The following REX1BD variants were observed in gnomAD, a reference collection of about 807,000 sequenced individuals.
REX1BD encodes the protein required for excision 1-B domain containing.
Under a neutral mutation model 24.4 loss-of-function variants are expected in REX1BD, and 22 were observed. The observed-to-expected ratio is 0.90, with a 90% CI of 0.64 to 1.29. The LOEUF (loss-of-function observed/expected upper bound fraction) is 1.29, where lower values mean the gene tolerates loss of function less well. Among genes scored for constraint, REX1BD ranks in the 50% most tolerant of loss-of-function variants. The pLI is 0.00. For synonymous variants in REX1BD, 146 were observed against 125.9 expected (o/e 1.16, Z -1.07); for missense variants, 293 against 285.3 (o/e 1.03, Z -0.19).
chr19:18,592,175 G>C lies in REX1BD; in HGVS notation c.601G>C (p.Glu201Gln). ...QDLRFDAESA[E>Q] Reference sequence around the variant, plus strand: ...CCTTAGGTTTGATGCGGAATCTGCCGAGTGATGGCGGCTCCCCAGGGATGC... The same window carrying C: ...CCTTAGGTTTGATGCGGAATCTGCCCAGTGATGGCGGCTCCCCAGGGATGC... Residue 201 changes from glutamate (E) to glutamine (Q), a missense_variant, in exon 5 of 5, where the codon GAG (glutamate) becomes CAG (glutamine). Glu to Gln is a conservative substitution (Grantham distance 29). Coordinates refer to ENST00000358607, the MANE Select transcript of REX1BD (RefSeq NM_001100418.2). 1 of 1,614,064 alleles carries C rather than the reference G, an allele frequency of 6.2e-7. No individual in the cohort carries two copies. The highest frequency in any genetic ancestry group is 8.5e-7 in the Non-Finnish European group (1 of 1,180,006).
chr19:18,592,062 T>G, intron 4 of REX1BD, 46 bp from the exon 5 acceptor site: 1 of 1,610,986 alleles, frequency 6.2e-7, no homozygotes. Flanking sequence ...CAGCAGCTAA[T>G]TCACCCCATC....
intron 4 of REX1BD, 82 bp downstream of exon 4, chr19:18,591,015 C>A: frequency 3.1e-6 from 4 of 1,274,186 alleles, no homozygotes; most frequent in Non-Finnish European, 4.2e-6. Flanking sequence ...AGCAGAGGAA[C>A]CCTCTGCCAG....
chr19:18,591,265 A>G, intron 4 of REX1BD: 1 of 226,040 alleles, frequency 4.4e-6, no homozygotes, highest in Non-Finnish European at 8.7e-6. Context: ...CATTTGACAA[A>G]GTCACACTTC....
intron 3 of REX1BD, chr19:18,589,899 C>A: frequency 1.6e-6 from 1 of 620,720 alleles, no homozygotes; most frequent in Non-Finnish European, 2.5e-6. Flanking sequence ...GTCCTTATTC[C>A]CAGAGCACTC....
At chr19:18,590,543 G>T in intron 3 of REX1BD, 1 of 287,060 alleles carries the variant, frequency 3.5e-6, no homozygotes, top group Non-Finnish European at 6.6e-6. Context: ...TTTTATCCTG[G>T]GTCCCCGTCC....
At position 18,590,902 on chromosome 19, in the gene REX1BD, G is replaced by A. The variant is rs35627056; in HGVS notation, c.502G>A (p.Asp168Asn). The A allele has an allele frequency of 3.5e-4, 559 of 1,600,554 alleles. No individual in the cohort carries two copies. The African/African-American group carries it at 6.7e-3, about 19-fold the overall frequency. The part of the protein sequence containing the change: ...METPELAGQE[D>N]AVRMQQLKMK... The stretch of plus-strand genomic sequence containing the variant: ...GACGCCAGAGCTGGCGGGGCAGGAG[G>A]ACGCTGTACGGATGCAGCAGCTGAA... Residue 168 changes from aspartate (D) to asparagine (N), a missense_variant, in exon 4 of 5, where the codon GAC (aspartate) becomes AAC (asparagine). Physicochemically the swap from Asp to Asn is conservative, Grantham distance 23. Transcript: ENST00000358607.
Position 18,590,654 on chromosome 19 carries a change from C to G in REX1BD, c.454-200C>G, listed in dbSNP as rs562438106. 2.0e-5 allele frequency: 11 copies of G among 561,858 alleles called. No homozygotes were observed. In the South Asian group the frequency reaches 2.3e-4, roughly 12 times the overall value. 34.8% of individuals were successfully genotyped at this position (561,858 alleles called of 1,614,324 possible). On this transcript the variant is annotated intron_variant, in intron 3 of 4. Coordinates refer to ENST00000358607, the MANE Select transcript of REX1BD (RefSeq NM_001100418.2). ...ACGCCCACATCGCGCTCAGCACTGC[C>G]TCTGGCCTGCCTGCTGTCTCCTTTC...
At chr19:18,590,225 T>TTGTTTTTATTTTG (rs1481326591) in intron 3 of REX1BD, 14,598 of 127,202 alleles carry the variant, frequency 0.11, 1,905 homozygotes, top group African/African-American at 0.34. Flanking sequence ...TTTTTTTTTT[T>TTGTTTTTATTTTG]TTTTTTTTTT....
chr19:18,590,464 G>A (rs752586396), intron 3 of REX1BD: 5 of 189,248 alleles, frequency 2.6e-5, no homozygotes, highest in Admixed American at 5.9e-5. Flanking sequence ...CAAGCGATCC[G>A]CCCTCTTCTG....
chr19:18,589,103 G>C (rs1480163666), intron 2 of REX1BD, 26 bp downstream of exon 2: 2 of 1,479,014 alleles, frequency 1.4e-6, no homozygotes, highest in African/African-American at 2.8e-5. Context: ...GAGGGGCTCA[G>C]GGTTCGGTCC....
At position 18,589,019 on chromosome 19, in the gene REX1BD, G is replaced by A; in HGVS notation, c.124G>A (p.Val42Met). 1 of 1,527,876 alleles carries A rather than the reference G, an allele frequency of 6.5e-7. No homozygotes were observed. Among genetic ancestry groups the A allele is most frequent in the Non-Finnish European group, 8.7e-7 (1 of 1,143,888 alleles). 94.6% of individuals were successfully genotyped at this position (1,527,876 alleles called of 1,614,324 possible). The part of the protein sequence containing the change: ...PWKDAPIRTL[V>M]QRIHQLQAER... ...GAAAGACGCCCCGATCCGGACGCTG[G>A]TGCAGCGCATCCACCAGCTGCAGGC... Residue 42 changes from valine to methionine, a missense_variant, in exon 2 of 5, where the codon GTG (valine) becomes ATG (methionine). Coordinates refer to ENST00000358607, the MANE Select transcript of REX1BD (RefSeq NM_001100418.2).
chr19:18,589,596 A>G lies in REX1BD; in HGVS notation c.366A>G (p.Glu122=). The G allele has an allele frequency of 3.2e-6, 5 of 1,543,928 alleles. No homozygotes were observed. The highest frequency in any genetic ancestry group is 4.3e-6 in the Non-Finnish European group (5 of 1,152,002). ...AAASREVLAV[E]AELGGPRRQP... ...CCTCGCGGGAGGTGCTGGCGGTGGA[A>G]GCAGAGCTGGGCGGGCCTCGCAGGC... The change falls in exon 3 of 5, where the codon GAA becomes GAG. Residue 122 remains glutamate (E), a synonymous_variant. Coordinates refer to ENST00000358607, the MANE Select transcript of REX1BD (RefSeq NM_001100418.2).
At position 18,590,606 on chromosome 19, in the gene REX1BD, G is replaced by T. The variant is rs535562595; in HGVS notation, c.454-248G>T. The T allele has an allele frequency of 2.1e-3, 911 of 436,642 alleles. 3 individuals are homozygous for T. The highest frequency in any genetic ancestry group is 3.2e-3 in the Admixed American group (75 of 23,686). The allele number at this position is 436,642 out of a possible 1,614,324, so 27.0% of individuals were successfully genotyped here. A position where few individuals can be genotyped will look rare whatever the true frequency, so the allele number is the denominator to read the frequency against. ...ACCCCTACGGCCAATGCCTGGCTAA[G>T]ACGTCACTGTTGTTCCCAGGCCACG... On this transcript the variant is annotated intron_variant, in intron 3 of 4. Coordinates refer to ENST00000358607, the MANE Select transcript of REX1BD (RefSeq NM_001100418.2).
At chr19:18,591,996 G>A (rs1418470920) in intron 4 of REX1BD, 112 bp from the exon 5 acceptor site, 13 of 1,231,294 alleles carry the variant, frequency 1.1e-5, no homozygotes, top group South Asian at 5.1e-5. Flanking sequence ...GAGGTTTGGC[G>A]GCGGGCAGGA....
In REX1BD at chr19:18,589,579, G is replaced by T; in HGVS notation, c.349G>T (p.Glu117Ter). The T allele has an allele frequency of 6.4e-7, 1 of 1,557,014 alleles. No homozygotes were observed. Among genetic ancestry groups the T allele is most frequent in the Non-Finnish European group, 8.6e-7 (1 of 1,159,050 alleles). ...CCAGGCCTTCGCCGCCGCCTCGCGG[G>T]AGGTGCTGGCGGTGGAAGCAGAGCT... ...VTQAFAAASR[E>*]VLAVEAELGG... Residue 117 changes from glutamate to a stop codon, truncating the protein, a stop_gained, in exon 3 of 5, where the codon GAG becomes TAG. Transcript: ENST00000358607. LOFTEE classifies it high-confidence loss of function.
At chr19:18,590,481 G>C (rs1976017887) in intron 3 of REX1BD, 1 of 198,690 alleles carries the variant, frequency 5.0e-6, no homozygotes, top group Non-Finnish European at 1.0e-5. Context: ...TCTGCTTCCC[G>C]AAGTGCTGGG....
chr19:18,591,345 C>G (rs1976036199), intron 4 of REX1BD: 1 of 155,878 alleles, frequency 6.4e-6, no homozygotes, highest in South Asian at 1.9e-4. Context: ...GATGCAGTCT[C>G]ACTCTGTCAC....
chr19:18,592,212 T>TGGGAAAC lies in REX1BD; in HGVS notation c.*36_*42dup. On this transcript the variant is annotated 3_prime_UTR_variant, in exon 5 of 5. Coordinates refer to ENST00000358607, the MANE Select transcript of REX1BD (RefSeq NM_001100418.2). The stretch of plus-strand genomic sequence containing the variant: ...CTCCCCAGGGATGCGCCGAGGGAGA[T>TGGGAAAC]GGGAAACGGGGCGGATGGCGCCCAG... The TGGGAAAC allele has an allele frequency of 4.3e-6, 7 of 1,613,470 alleles. No homozygotes were observed. Among genetic ancestry groups the TGGGAAAC allele is most frequent in the Non-Finnish European group, 5.9e-6 (7 of 1,179,686 alleles).
chr19:18,590,780 C>A, intron 3 of REX1BD, 74 bp from the exon 4 acceptor site: 1 of 1,460,702 alleles, frequency 6.8e-7, no homozygotes, highest in Non-Finnish European at 9.2e-7. Context: ...CTGTTTTTTC[C>A]TGAACATCCT....
Sources: allele counts gnomAD v4.1 joint callset, GRCh38; gene constraint gnomAD v4.1.1; transcripts MANE v1.5; gene names NCBI Gene and HGNC (gene_info 2026-07-23, HGNC 2026-07-21).